The following FRAS1 variants were observed in gnomAD, a reference collection of about 807,000 sequenced individuals.
FRAS1 encodes the protein extracellular matrix organizing protein FRAS1.
FRAS1 carries 290 observed loss-of-function variants against 435.2 expected under a neutral mutation model. The observed-to-expected ratio is 0.67, with a 90% CI of 0.61 to 0.73. The LOEUF (loss-of-function observed/expected upper bound fraction) is 0.73, where lower values mean the gene tolerates loss of function less well. FRAS1 is among the 30% of genes least tolerant of loss of function. The pLI, the probability that FRAS1 is intolerant of heterozygous loss-of-function variation, is 0.00. For missense variants in FRAS1, 4,860 were observed against 5,001.5 expected, an observed-to-expected ratio of 0.97 and a Z score of 0.85; for synonymous variants, 1,800 against 1,851.0, an observed-to-expected ratio of 0.97 and a Z score of 0.71.
chr4:78,310,135 A>T (rs1368399903), intron 15 of FRAS1, among the ~76,000 whole-genome samples: 1 of 152,192 alleles, frequency 6.6e-6, no homozygotes, highest in Non-Finnish European at 1.5e-5. Flanking sequence ...GAGAATAAGG[A>T]AAGAAAGGCC....
In FRAS1 at chr4:78,266,875, A is replaced by G; in HGVS notation, c.729A>G (p.Ile243Met). Residue 243 changes from isoleucine (I) to methionine (M), a missense_variant, in exon 8 of 74, where the codon ATA (isoleucine) becomes ATG (methionine). By Grantham distance (10) the Ile-to-Met change is conservative. Coordinates refer to ENST00000512123, the MANE Select transcript of FRAS1 (RefSeq NM_025074.7). ...QWSENACTTC[I>M]CDRGEVRCHK... ...GCGAAAATGCCTGCACCACGTGTAT[A>G]TGTGACCGGGGTGAGGTCAGGTGTC... is the stretch of plus-strand genomic sequence containing the variant. 3 of 1,608,434 alleles carry G rather than the reference A, an allele frequency of 1.9e-6. No individual in the cohort carries two copies. The highest frequency in any genetic ancestry group is 2.5e-6 in the Non-Finnish European group (3 of 1,177,428).
chr4:78,287,695 A>T (rs1309156200), intron 14 of FRAS1, among the ~76,000 whole-genome samples: 1 of 152,150 alleles, frequency 6.6e-6, no homozygotes, highest in African/African-American at 2.4e-5. Context: ...CATGGTATTA[A>T]TCAGATGTGC....
chr4:78,479,428 T>C lies in FRAS1; in HGVS notation c.8153T>C (p.Met2718Thr). Residue 2718 changes from methionine (M) to threonine (T), a missense_variant, in exon 56 of 74, where the codon ATG becomes ACG. Met to Thr is a moderately conservative substitution (Grantham distance 81). Coordinates refer to ENST00000512123, the MANE Select transcript of FRAS1 (RefSeq NM_025074.7). Reference sequence around the variant, plus strand: ...TGCTACACAGTCCCTAAGTCAGCTATGGGAAGTAGCCTCTATGCTCTAGAA... The same window carrying C: ...TGCTACACAGTCCCTAAGTCAGCTACGGGAAGTAGCCTCTATGCTCTAGAA... ...AICYTVPKSA[M>T]GSSLYALESG... 6.4e-7 allele frequency: 1 copy of C among 1,574,294 alleles called. No homozygotes were observed. The highest frequency in any genetic ancestry group is 8.6e-7 in the Non-Finnish European group (1 of 1,156,458).
intron 33 of FRAS1, 22 bp downstream of exon 33, chr4:78,419,085 C>A: frequency 7.6e-7 from 1 of 1,320,116 alleles, no homozygotes; most frequent in Admixed American, 2.3e-5. Flanking sequence ...AGTAAATGAT[C>A]TTTTGAGTGA....
chr4:78,380,605 T>G (rs1185308362), intron 27 of FRAS1, among the ~76,000 whole-genome samples: 1 of 152,194 alleles, frequency 6.6e-6, no homozygotes, highest in Non-Finnish European at 1.5e-5. Context: ...AGCTATATAA[T>G]TAGCAGGGTA....
intron 33 of FRAS1, among the ~76,000 whole-genome samples, chr4:78,421,062 A>G (rs1733771384): frequency 6.6e-6 from 1 of 151,798 alleles, no homozygotes; most frequent in African/African-American, 2.4e-5. Context: ...AAGGGCAGGA[A>G]GCATCCAGCA....
intron 15 of FRAS1, among the ~76,000 whole-genome samples, chr4:78,311,740 C>A (rs1265108897): frequency 1.3e-5 from 2 of 152,202 alleles, no homozygotes; most frequent in Non-Finnish European, 2.9e-5. Flanking sequence ...GATCAAGATT[C>A]TGATTTTTTC....
rs1323910873 is a variant in FRAS1, at chr4:78,475,481, C to G, written c.7726C>G (p.Gln2576Glu). The G allele has an allele frequency of 6.2e-7, 1 of 1,613,898 alleles. No individual in the cohort carries two copies. Among genetic ancestry groups the G allele is most frequent in the Admixed American group, 1.7e-5 (1 of 60,010 alleles). Reference protein sequence around the residue: ...EKAGSVSVTVQRTGNLNQYAI... With the variant: ...EKAGSVSVTVERTGNLNQYAI... ...GGCAGGGTCTGTCAGTGTCACGGTG[C>G]AGAGGACTGGGAACCTGAACCAATA... Residue 2576 changes from glutamine to glutamate, a missense_variant, in exon 54 of 74, where the codon CAG becomes GAG. By Grantham distance (29) the Gln-to-Glu change is conservative. Transcript: ENST00000512123.
At chr4:78,519,123 T>C (rs955443277) in intron 66 of FRAS1, among the ~76,000 whole-genome samples, 6 of 152,224 alleles carry the variant, frequency 3.9e-5, no homozygotes, top group African/African-American at 7.2e-5. Flanking sequence ...CACGTGACCC[T>C]GTCGAAAGAA....
chr4:78,139,290 T>G (rs767634432), intron 2 of FRAS1, among the ~76,000 whole-genome samples: 9 of 151,850 alleles, frequency 5.9e-5, no homozygotes, highest in Non-Finnish European at 1.2e-4. Flanking sequence ...ATAAAGAAAC[T>G]GGGGCATAGC....
At chr4:78,215,560 G>T (rs1723731869) in intron 2 of FRAS1, among the ~76,000 whole-genome samples, 1 of 152,166 alleles carries the variant, frequency 6.6e-6, no homozygotes, top group Non-Finnish European at 1.5e-5. Context: ...CCAATCCACA[G>T]AACTCTTCAT....
intron 59 of FRAS1, among the ~76,000 whole-genome samples, chr4:78,493,511 C>T (rs942248216): frequency 3.9e-5 from 6 of 152,010 alleles, no homozygotes; most frequent in Admixed American, 6.6e-5. Flanking sequence ...TGCAGGGACA[C>T]GGATGAAGCT....
At chr4:78,509,055 G>A (rs776023459) in intron 63 of FRAS1, 49 bp downstream of exon 63, 4 of 1,587,290 alleles carry the variant, frequency 2.5e-6, no homozygotes, top group South Asian at 1.1e-5. Context: ...GAGAGAACTG[G>A]TGTTGTTCTT....
At chr4:78,474,739 G>C (rs1429750015) in intron 53 of FRAS1, among the ~76,000 whole-genome samples, 5 of 152,056 alleles carry the variant, frequency 3.3e-5, no homozygotes, top group Non-Finnish European at 5.9e-5. Flanking sequence ...CCAGGTCTAG[G>C]GGCCATCCTC....
rs147999269 is a variant in FRAS1 at position 78,518,450 on chromosome 4, A to ATATT, written c.10390-863_10390-860dup. Reference sequence around the variant, plus strand: ...TATATATATATATATATATATATATATATTTATTTATTTATTTATTTGTGG... The same window carrying ATATT: ...TATATATATATATATATATATATATATATTTATTTATTTATTTATTTATTTGTGG... On this transcript the variant is annotated intron_variant, in intron 66 of 73. Transcript: ENST00000512123. 9.0e-3 allele frequency among the ~76,000 whole-genome samples: 624 copies of ATATT among 69,272 alleles called. 8 individuals carry two copies. Among genetic ancestry groups the ATATT allele is most frequent in the African/African-American group, 0.022 (582 of 26,354 alleles). 45.4% of individuals were successfully genotyped at this position (69,272 alleles called of 152,430 possible). A position where few individuals can be genotyped will look rare whatever the true frequency, so the allele number is the denominator to read the frequency against.
intron 29 of FRAS1, among the ~76,000 whole-genome samples, chr4:78,393,433 C>T (rs562772502): frequency 6.6e-5 from 10 of 152,128 alleles, no homozygotes; most frequent in South Asian, 4.1e-4. Context: ...TCCATCTCCC[C>T]GTTTCCCCTT....
At chr4:78,514,990 C>G (rs1449124762) in intron 65 of FRAS1, among the ~76,000 whole-genome samples, 1 of 150,928 alleles carries the variant, frequency 6.6e-6, no homozygotes, top group African/African-American at 2.4e-5. Context: ...ATCGCTTGAA[C>G]CCAGGAGGCG....
chr4:78,368,537 T>C (rs962733399), intron 22 of FRAS1, among the ~76,000 whole-genome samples: 3 of 152,206 alleles, frequency 2.0e-5, no homozygotes, highest in South Asian at 2.1e-4. Context: ...AAGTGTTCAT[T>C]GAACACCTAC....
At chr4:78,205,473 C>A (rs1723218110) in intron 2 of FRAS1, among the ~76,000 whole-genome samples, 1 of 152,144 alleles carries the variant, frequency 6.6e-6, no homozygotes, top group Non-Finnish European at 1.5e-5. Flanking sequence ...GGATTACAGG[C>A]ATGAGCAACT....
Sources: gnomAD v4.1 joint callset for allele counts (sites outside exome capture counted in the v4.1 genomes callset) on GRCh38, gnomAD v4.1.1 for gene constraint, MANE v1.5 for transcripts, NCBI Gene and HGNC (gene_info 2026-07-23, HGNC 2026-07-21) for gene names.